Variants in RAP1B observed in about 807,000 individuals in gnomAD.
RAP1B encodes ras-related protein Rap-1b.
Under a neutral mutation model 27.5 loss-of-function variants are expected in RAP1B, and 1 was observed. The ratio of observed to expected loss-of-function variants is 0.04; its 90% CI spans 0.01 to 0.17. The LOEUF is 0.17. Among genes scored for constraint, RAP1B ranks in the 10% least tolerant of loss-of-function variants. The probability of loss-of-function intolerance (pLI) is 1.00; values close to 1 mark genes in which losing one functional copy is unlikely to be tolerated. For synonymous variants in RAP1B, 75 were observed against 73.1 expected (o/e 1.03, Z -0.13); for missense variants, 84 against 214.8 (o/e 0.39, Z 3.81).
rs1874551484 is a variant in RAP1B at position 68,660,769 on chromosome 12, ATTAC to A, written c.*1525_*1528del. 1.3e-5 allele frequency: 2 copies of A among 152,336 alleles called. No individual in the cohort carries two copies. The highest frequency in any genetic ancestry group is 6.5e-5 in the Admixed American group (1 of 15,296). The allele number at this position is 152,336 out of a possible 1,614,324, so 9.4% of individuals were successfully genotyped here. A position where few individuals can be genotyped will look rare whatever the true frequency, so the allele number is the denominator to read the frequency against. The stretch of plus-strand genomic sequence containing the variant: ...GAAATAATTTTGTAAATCAAGCAGT[ATTAC>A]TTACGAATAAATGCCTTTGGGTAAT... On this transcript the variant is annotated 3_prime_UTR_variant, in exon 8 of 8. Transcript: ENST00000250559.
At chr12:68,648,579 A>T in intron 1 of RAP1B, 120 bp from the exon 2 acceptor site, 2 of 791,676 alleles carry the variant, frequency 2.5e-6, no homozygotes, top group Non-Finnish European at 4.0e-6. Flanking sequence ...GGTGCTCCAT[A>T]CTAGGGTTGT....
At position 68,662,092 on chromosome 12, in the gene RAP1B, T is replaced by C. The variant is rs1874633256; in HGVS notation, c.*2843T>C. On this transcript the variant is annotated 3_prime_UTR_variant, in exon 8 of 8. Transcript: ENST00000250559. ...ATATATGTAGTACAGTGGAGGTCTA[T>C]ATAATACTATATATATAATTTATTT... is the stretch of plus-strand genomic sequence containing the variant. 6.7e-6 allele frequency: 1 copy of C among 148,660 alleles called. No individual in the cohort carries two copies. Among genetic ancestry groups the C allele is most frequent in the Admixed American group, 6.7e-5 (1 of 14,838 alleles). 9.2% of individuals were successfully genotyped at this position (148,660 alleles called of 1,614,324 possible).
chr12:68,621,643 T>A (rs1313786031), intron 1 of RAP1B, among the ~76,000 whole-genome samples: 1 of 152,144 alleles, frequency 6.6e-6, no homozygotes, highest in African/African-American at 2.4e-5. Context: ...GATTAAGAGG[T>A]TCTTGTTAAG....
At chr12:68,616,589 G>A (rs1040182606) in intron 1 of RAP1B, among the ~76,000 whole-genome samples, 2 of 151,690 alleles carry the variant, frequency 1.3e-5, no homozygotes, top group African/African-American at 4.8e-5. Flanking sequence ...GCACACCACC[G>A]CACCCAGCTA....
chr12:68,647,443 G>T (rs1293141753), intron 1 of RAP1B, among the ~76,000 whole-genome samples: 1 of 132,380 alleles, frequency 7.6e-6, no homozygotes, highest in East Asian at 2.2e-4. Context: ...CTGGTCTTGA[G>T]CTCCTGATTT....
chr12:68,616,762 C>T (rs1278209339), intron 1 of RAP1B, among the ~76,000 whole-genome samples: 4 of 152,060 alleles, frequency 2.6e-5, no homozygotes, highest in East Asian at 3.9e-4. Context: ...AGAGACGTTT[C>T]GCCATGTTGC....
chr12:68,626,960 C>T (rs1871835501), intron 1 of RAP1B: 2 of 1,523,176 alleles, frequency 1.3e-6, no homozygotes, highest in Non-Finnish European at 1.8e-6. Flanking sequence ...GCTTCTCAGT[C>T]ACCATGTCTT....
chr12:68,614,187 C>T (rs1870817157), intron 1 of RAP1B, among the ~76,000 whole-genome samples: 2 of 152,128 alleles, frequency 1.3e-5, no homozygotes, highest in Non-Finnish European at 2.9e-5. Context: ...GTTGTAGGTA[C>T]TCGATAAATA....
chr12:68,615,442 AC>A, intron 1 of RAP1B, among the ~76,000 whole-genome samples: 1 of 152,124 alleles, frequency 6.6e-6, no homozygotes. Context: ...ACAAAAAATT[AC>A]CTGGGCGTAG....
At chr12:68,625,774 T>G (rs903821347) in intron 1 of RAP1B, among the ~76,000 whole-genome samples, 25 of 152,028 alleles carry the variant, frequency 1.6e-4, no homozygotes, top group African/African-American at 6.0e-4. Context: ...ATACAAAAAT[T>G]AGCCGAGCGT....
At chr12:68,642,111 G>A (rs1873055315) in intron 1 of RAP1B, among the ~76,000 whole-genome samples, 1 of 152,046 alleles carries the variant, frequency 6.6e-6, no homozygotes, top group South Asian at 2.1e-4. Context: ...TGGTATAATT[G>A]GTTAATTCAT....
At chr12:68,653,690 A>T (rs1592466382) in intron 4 of RAP1B, among the ~76,000 whole-genome samples, 1 of 152,122 alleles carries the variant, frequency 6.6e-6, no homozygotes, top group South Asian at 2.1e-4. Flanking sequence ...GCACTTTGGG[A>T]GGCCGAGACG....
In RAP1B at chr12:68,652,042, T is replaced by C. The variant is rs1269627586; in HGVS notation, c.174T>C (p.Thr58=). Residue 58 remains threonine (T), a synonymous_variant, in exon 4 of 8, where the codon ACT becomes ACC. Coordinates refer to ENST00000250559, the MANE Select transcript of RAP1B (RefSeq NM_001010942.3). ...AGTGTATGCTTGAAATCTTGGATAC[T>C]GCAGGAACGGTAGGTAAAACTAAAT... is the stretch of plus-strand genomic sequence containing the variant. ...AQQCMLEILD[T]AGTEQFTAMR... is the part of the protein sequence containing the mutation. 40 of 1,612,362 alleles carry C rather than the reference T, an allele frequency of 2.5e-5. No homozygotes were observed. The highest frequency in any genetic ancestry group is 3.2e-5 in the Non-Finnish European group (38 of 1,178,654).
Position 68,642,446 on chromosome 12 carries a change from G to A in RAP1B, c.-26-6253G>A. 6.9e-6 allele frequency: 5 copies of A among 721,838 alleles called. No individual in the cohort carries two copies. The South Asian group carries it at 8.7e-5, about 13-fold the overall frequency. 44.7% of individuals were successfully genotyped at this position (721,838 alleles called of 1,614,324 possible). On this transcript the variant is annotated intron_variant, in intron 1 of 7. Coordinates refer to ENST00000250559, the MANE Select transcript of RAP1B (RefSeq NM_001010942.3). ...AAAATTATGGTGCTATTGGTCTACT[G>A]TATAATTATTATTTTTAATGTCCAG...
chr12:68,654,597 C>A (rs949110996), intron 5 of RAP1B, among the ~76,000 whole-genome samples: 25 of 151,884 alleles, frequency 1.6e-4, no homozygotes, highest in Non-Finnish European at 2.9e-5. Flanking sequence ...CCTGCCTCAG[C>A]CTCCCGGGTA....
intron 6 of RAP1B, 54 bp from the exon 7 acceptor site, chr12:68,657,047 T>G: frequency 3.6e-6 from 5 of 1,393,550 alleles, no homozygotes; most frequent in Non-Finnish European, 5.0e-6. Context: ...ACTTTTTTCA[T>G]TGGGGGGGAT....
At chr12:68,656,973 A>G in intron 6 of RAP1B, 128 bp from the exon 7 acceptor site, 1 of 800,506 alleles carries the variant, frequency 1.2e-6, no homozygotes, top group African/African-American at 1.8e-5. Context: ...TTTTATTCTC[A>G]TTCCTTAGCT....
chr12:68,632,125 A>ATTTTTTTTTTTTT (rs1211565843), intron 1 of RAP1B, among the ~76,000 whole-genome samples: 5 of 107,140 alleles, frequency 4.7e-5, no homozygotes, highest in African/African-American at 1.8e-4. Flanking sequence ...TGGGTTTTGG[A>ATTTTTTTTTTTTT]TTTGTTTTTT....
chr12:68,656,775 T>C, intron 6 of RAP1B: 1 of 528,864 alleles, frequency 1.9e-6, no homozygotes. Flanking sequence ...TATGCATGGT[T>C]CTTGAAAGGC....
Sources: allele counts gnomAD v4.1 joint callset (sites outside exome capture counted in the v4.1 genomes callset), GRCh38; gene constraint gnomAD v4.1.1; transcripts MANE v1.5; gene names NCBI Gene and HGNC (gene_info 2026-07-23, HGNC 2026-07-21).